The following RPRD1A variants were observed in gnomAD, a reference collection of about 807,000 sequenced individuals.
The protein encoded by RPRD1A is regulation of nuclear pre-mRNA domain-containing protein 1A.
A neutral mutation model predicts 37.8 loss-of-function variants in RPRD1A; 9 were observed. That is an observed-to-expected ratio of 0.24 (90% CI 0.14 to 0.42). The LOEUF is 0.42. Ranked by LOEUF, RPRD1A falls within the 10% of genes least tolerant of loss-of-function variation. The pLI is 1.00. For missense variants in RPRD1A, 255 were observed against 371.0 expected (o/e 0.69, Z 2.57); for synonymous variants, 138 against 139.7 (o/e 0.99, Z 0.08).
intron 1 of RPRD1A, among the ~76,000 whole-genome samples, chr18:36,043,196 C>A (rs1245580722): frequency 4.6e-5 from 3 of 65,646 alleles, no homozygotes; most frequent in Non-Finnish European, 9.1e-5. Flanking sequence ...CAAGAAGAAT[C>A]GGGGGGGGGG....
Position 36,031,098 on chromosome 18 carries a change from C to CT in RPRD1A, c.282-2dup. On this transcript the variant is annotated splice_acceptor_variant, in intron 2 of 6. Coordinates refer to ENST00000399022, the MANE Select transcript of RPRD1A (RefSeq NM_018170.5). LOFTEE classifies it high-confidence loss of function. The stretch of plus-strand genomic sequence containing the variant: ...CTTCTTACAACTTTCATCAGTTTCA[C>CT]TAAAAAAAAAAAAAAAGAAAAAAAG... 1.4e-6 allele frequency: 2 copies of CT among 1,401,028 alleles called. No homozygotes were observed. The highest frequency in any genetic ancestry group is 1.9e-6 in the Non-Finnish European group (2 of 1,070,786). The allele number at this position is 1,401,028 out of a possible 1,614,324, so 86.8% of individuals were successfully genotyped here. A position where few individuals can be genotyped will look rare whatever the true frequency, so the allele number is the denominator to read the frequency against.
chr18:35,996,617 C>A (rs755379523), intron 6 of RPRD1A, among the ~76,000 whole-genome samples: 2 of 152,096 alleles, frequency 1.3e-5, no homozygotes, highest in Non-Finnish European at 2.9e-5. Context: ...CAAAAAGATA[C>A]AACCAAAAAC....
intron 1 of RPRD1A, among the ~76,000 whole-genome samples, chr18:36,043,650 C>T (rs1912756319): frequency 6.6e-6 from 1 of 152,168 alleles, no homozygotes; most frequent in Non-Finnish European, 1.5e-5. Flanking sequence ...ATTCACATTA[C>T]ACTTCTAGAA....
At chr18:36,028,936 G>C (rs922748377) in intron 4 of RPRD1A, among the ~76,000 whole-genome samples, 4 of 152,200 alleles carry the variant, frequency 2.6e-5, no homozygotes, top group African/African-American at 7.2e-5. Context: ...TTTCATCAGG[G>C]AGAGCGGAAG....
At chr18:36,036,962 G>A (rs753903547) in intron 1 of RPRD1A, among the ~76,000 whole-genome samples, 16 of 152,178 alleles carry the variant, frequency 1.1e-4, no homozygotes, top group South Asian at 4.1e-4. Flanking sequence ...TTTCCAAACC[G>A]TCCATTCAAT....
chr18:36,044,604 C>T (rs1912820977), intron 1 of RPRD1A, among the ~76,000 whole-genome samples: 2 of 152,186 alleles, frequency 1.3e-5, no homozygotes, highest in Middle Eastern at 3.4e-3. Context: ...ACAAGAATCA[C>T]TTGAACCCAG....
chr18:36,038,928 C>T, intron 1 of RPRD1A, among the ~76,000 whole-genome samples: 1 of 152,146 alleles, frequency 6.6e-6, no homozygotes, highest in Non-Finnish European at 1.5e-5. Flanking sequence ...ACCTATGATA[C>T]CCCCGTTGTA....
At chr18:36,003,749 AATG>A (rs1339951628) in intron 6 of RPRD1A, among the ~76,000 whole-genome samples, 2 of 152,216 alleles carry the variant, frequency 1.3e-5, no homozygotes, top group African/African-American at 2.4e-5. Flanking sequence ...TCTTCAATGC[AATG>A]ATATCAAAAT....
intron 4 of RPRD1A, among the ~76,000 whole-genome samples, chr18:36,028,713 G>A (rs1038799611): frequency 3.3e-5 from 5 of 152,174 alleles, no homozygotes; most frequent in African/African-American, 4.8e-5. Flanking sequence ...TGAGTTTAAC[G>A]GGAACCTACA....
At chr18:36,059,534 T>C (rs1042604489) in intron 1 of RPRD1A, among the ~76,000 whole-genome samples, 26 of 152,200 alleles carry the variant, frequency 1.7e-4, no homozygotes, top group Non-Finnish European at 3.4e-4. Context: ...AGTGTTTTAA[T>C]TTCCAATGTA....
chr18:35,999,307 T>C (rs908448021), intron 6 of RPRD1A, among the ~76,000 whole-genome samples: 2 of 152,190 alleles, frequency 1.3e-5, no homozygotes, highest in South Asian at 2.1e-4. Flanking sequence ...CTGAAGGTTA[T>C]CTAATTAAGT....
chr18:36,048,497 G>A (rs925540870), intron 1 of RPRD1A, among the ~76,000 whole-genome samples: 4 of 148,638 alleles, frequency 2.7e-5, no homozygotes, highest in Non-Finnish European at 5.9e-5. Context: ...TCAATGTGAT[G>A]CACCACATTA....
chr18:36,008,229 C>G lies in RPRD1A; in HGVS notation c.790-14929G>C, dbSNP rs573427256. 3.9e-5 allele frequency among the ~76,000 whole-genome samples: 6 copies of G among 152,132 alleles called. No individual in the cohort carries two copies. In the South Asian group the frequency reaches 1.0e-3, roughly 26 times the overall value. On this transcript the variant is annotated intron_variant, in intron 6 of 6. Transcript: ENST00000399022. Reference sequence around the variant, plus strand: ...TTTTAATAATTTACCTAAGATCTTACTAATTTTAAACTATTCCTTGGGTGC... The same window carrying G: ...TTTTAATAATTTACCTAAGATCTTAGTAATTTTAAACTATTCCTTGGGTGC...
chr18:36,021,759 G>A (rs905215615), intron 6 of RPRD1A, among the ~76,000 whole-genome samples: 1 of 152,200 alleles, frequency 6.6e-6, no homozygotes, highest in Non-Finnish European at 1.5e-5. Flanking sequence ...AGCACTTTGG[G>A]AGGCTGAGGC....
intron 6 of RPRD1A, among the ~76,000 whole-genome samples, chr18:36,022,186 A>G (rs1345517990): frequency 6.6e-6 from 1 of 152,234 alleles, no homozygotes; most frequent in African/African-American, 2.4e-5. Context: ...TGAGGGAGGT[A>G]AAGAAGCTAC....
intron 1 of RPRD1A, chr18:36,064,287 CG>C (rs1177277648): frequency 6.6e-6 from 1 of 152,542 alleles, no homozygotes; most frequent in Non-Finnish European, 1.5e-5. Context: ...CGCGCGGTTC[CG>C]GGTGGGTGCC....
At chr18:36,008,579 A>ATGTATG (rs1909950519) in intron 6 of RPRD1A, among the ~76,000 whole-genome samples, 1 of 21,648 alleles carries the variant, frequency 4.6e-5, no homozygotes, top group Non-Finnish European at 1.5e-4. Flanking sequence ...TTGTGTGTGT[A>ATGTATG]TATATATATA....
chr18:36,035,961 G>A (rs74976261), intron 1 of RPRD1A, among the ~76,000 whole-genome samples: 2,085 of 152,234 alleles, frequency 0.014, 57 homozygotes, highest in African/African-American at 0.047. Context: ...AATTATTCAT[G>A]GGTACAGAGT....
intron 1 of RPRD1A, among the ~76,000 whole-genome samples, chr18:36,059,617 T>C (rs2088865973): frequency 6.6e-6 from 1 of 152,170 alleles, no homozygotes; most frequent in Non-Finnish European, 1.5e-5. Flanking sequence ...AAAGAGATCC[T>C]CAAACCAGAA....
Sources: allele counts gnomAD v4.1 joint callset (sites outside exome capture counted in the v4.1 genomes callset), GRCh38; gene constraint gnomAD v4.1.1; transcripts MANE v1.5; gene names NCBI Gene and HGNC (gene_info 2026-07-23, HGNC 2026-07-21).